Variants in DSCAM observed in about 807,000 individuals in gnomAD.
The protein encoded by DSCAM is DS cell adhesion molecule, also known as cell adhesion molecule DSCAM.
A neutral mutation model predicts 217.7 loss-of-function variants in DSCAM; 47 were observed. That is an observed-to-expected ratio of 0.22 (90% CI 0.17 to 0.28). DSCAM has a LOEUF of 0.28. DSCAM is among the 10% of genes least tolerant of loss of function. DSCAM has a pLI of 1.00. For missense variants in DSCAM, 2,080 were observed against 2,618.3 expected, an observed-to-expected ratio of 0.79 and a Z score of 4.49; for synonymous variants, 1,056 against 1,015.3, an observed-to-expected ratio of 1.04 and a Z score of -0.76.
At chr21:40,215,454 A>G (rs1202522903) in intron 11 of DSCAM, among the ~76,000 whole-genome samples, 1 of 148,082 alleles carries the variant, frequency 6.8e-6, no homozygotes, top group African/African-American at 2.5e-5. Context: ...TGTGATATAT[A>G]TACCATGAAA....
intron 3 of DSCAM, among the ~76,000 whole-genome samples, chr21:40,691,445 C>T (rs988550670): frequency 2.0e-5 from 3 of 152,156 alleles, no homozygotes; most frequent in African/African-American, 7.2e-5. Flanking sequence ...AATTGGAGGG[C>T]CTCTCCCCTT....
Position 40,255,621 on chromosome 21 carries a change from G to A in DSCAM, c.2356+20476C>T, listed in dbSNP as rs118181098. 4.9e-4 allele frequency among the ~76,000 whole-genome samples: 74 copies of A among 152,356 alleles called. 1 individual carries two copies. In the East Asian group the frequency reaches 0.013, roughly 28 times the overall value. ...ACTTTAAATGCAGAATAAGAAAGCA[G>A]AGGAGTCAGTCCATGCCTTGTGGCA... On this transcript the variant is annotated intron_variant, in intron 11 of 32. Transcript: ENST00000400454.
intron 10 of DSCAM, among the ~76,000 whole-genome samples, chr21:40,287,218 A>G (rs2073839815): frequency 6.8e-6 from 1 of 147,220 alleles, no homozygotes; most frequent in Admixed American, 6.6e-5. Context: ...GTGCAGTGTG[A>G]TCACAGTGTG....
chr21:40,603,714 T>C (rs2077079927), intron 3 of DSCAM, among the ~76,000 whole-genome samples: 1 of 152,134 alleles, frequency 6.6e-6, no homozygotes, highest in South Asian at 2.1e-4. Context: ...GGGTTTTTTG[T>C]TGCTGTTGTT....
At chr21:40,431,012 A>G (rs1475240285) in intron 3 of DSCAM, among the ~76,000 whole-genome samples, 2 of 152,228 alleles carry the variant, frequency 1.3e-5, no homozygotes, top group Admixed American at 6.5e-5. Context: ...GAAAACCAGC[A>G]ATTCGAAAAG....
intron 3 of DSCAM, among the ~76,000 whole-genome samples, chr21:40,400,162 C>T (rs2075220687): frequency 6.6e-6 from 1 of 151,988 alleles, no homozygotes; most frequent in Non-Finnish European, 1.5e-5. Flanking sequence ...TATTGGAGAC[C>T]ATAAAGAGGT....
intron 15 of DSCAM, among the ~76,000 whole-genome samples, chr21:40,175,756 G>A (rs1242973300): frequency 1.5e-5 from 2 of 137,110 alleles, no homozygotes; most frequent in African/African-American, 2.8e-5. Flanking sequence ...GTTTAATCCA[G>A]CATATATTTT....
chr21:40,254,006 A>G (rs553026767), intron 11 of DSCAM, among the ~76,000 whole-genome samples: 2 of 152,340 alleles, frequency 1.3e-5, no homozygotes, highest in Admixed American at 6.5e-5. Flanking sequence ...GGTGTCTGAC[A>G]TAAGAGCAGT....
chr21:40,134,763 T>C (rs893027089), intron 18 of DSCAM, among the ~76,000 whole-genome samples: 2 of 152,208 alleles, frequency 1.3e-5, no homozygotes, highest in Non-Finnish European at 1.5e-5. Context: ...CTGAAATATA[T>C]GCAATTTTTA....
At chr21:40,235,669 T>A (rs2091422590) in intron 11 of DSCAM, among the ~76,000 whole-genome samples, 1 of 152,032 alleles carries the variant, frequency 6.6e-6, no homozygotes, top group Admixed American at 6.6e-5. Context: ...ATTCGACACT[T>A]CTTCAACTGT....
rs538135865 is a variant in DSCAM at position 40,758,215 on chromosome 21, C to T, written c.44-49444G>A. ...ACCGTGCTCACACCTTGACTTTAGACTTCTGGCCTCTAGAACTATGGCAAA... is the reference window on the plus strand; with the variant it reads ...ACCGTGCTCACACCTTGACTTTAGATTTCTGGCCTCTAGAACTATGGCAAA... On this transcript the variant is annotated intron_variant, in intron 1 of 32. Coordinates refer to ENST00000400454, the MANE Select transcript of DSCAM (RefSeq NM_001389.5). Among the ~76,000 whole-genome samples, 823 of 152,282 alleles carry T rather than the reference C, an allele frequency of 5.4e-3. 4 individuals are homozygous for T. The highest frequency in any genetic ancestry group is 7.6e-3 in the Non-Finnish European group (515 of 68,024).
intron 11 of DSCAM, among the ~76,000 whole-genome samples, chr21:40,197,204 C>A (rs561084470): frequency 1.3e-5 from 2 of 152,030 alleles, no homozygotes; most frequent in Non-Finnish European, 2.9e-5. Context: ...CTGCAAGCTC[C>A]GCCTCCCGGG....
intron 1 of DSCAM, among the ~76,000 whole-genome samples, chr21:40,839,536 C>T (rs1321478965): frequency 1.3e-5 from 2 of 152,194 alleles, no homozygotes; most frequent in Non-Finnish European, 2.9e-5. Flanking sequence ...TCATCCCCAG[C>T]TTCCCAAGCC....
intron 19 of DSCAM, among the ~76,000 whole-genome samples, chr21:40,129,025 A>T (rs1036544210): frequency 1.3e-5 from 2 of 152,230 alleles, no homozygotes; most frequent in African/African-American, 2.4e-5. Flanking sequence ...TGAATATCGG[A>T]CAAAAGTCTG....
intron 3 of DSCAM, among the ~76,000 whole-genome samples, chr21:40,534,266 C>A (rs935864430): frequency 6.6e-6 from 1 of 152,050 alleles, no homozygotes; most frequent in Non-Finnish European, 1.5e-5. Flanking sequence ...CATTTTCTAA[C>A]CTTGGAATTT....
intron 3 of DSCAM, among the ~76,000 whole-genome samples, chr21:40,639,799 C>G (rs1220285391): frequency 2.6e-5 from 4 of 152,080 alleles, no homozygotes; most frequent in African/African-American, 9.7e-5. Flanking sequence ...CACAACTGGC[C>G]TGCATTGAAG....
intron 2 of DSCAM, among the ~76,000 whole-genome samples, chr21:40,705,520 C>A (rs2090704491): frequency 6.6e-6 from 1 of 152,138 alleles, no homozygotes; most frequent in Admixed American, 6.5e-5. Context: ...GTTTCAACTG[C>A]CTGGGGAGGC....
chr21:40,339,045 G>T, intron 7 of DSCAM, 74 bp downstream of exon 7: 1 of 1,552,976 alleles, frequency 6.4e-7, no homozygotes, highest in Non-Finnish European at 8.8e-7. Flanking sequence ...GACCCAGCTC[G>T]GTGCATGCAG....
intron 11 of DSCAM, among the ~76,000 whole-genome samples, chr21:40,203,081 G>GGAA (rs548515397): frequency 4.1e-4 from 63 of 152,340 alleles, no homozygotes; most frequent in African/African-American, 1.5e-3. Flanking sequence ...GGCACAGAGA[G>GGAA]GCTAAATGGC....
Sources: gnomAD v4.1 joint callset for allele counts (sites outside exome capture counted in the v4.1 genomes callset) on GRCh38, gnomAD v4.1.1 for gene constraint, MANE v1.5 for transcripts, NCBI Gene and HGNC (gene_info 2026-07-23, HGNC 2026-07-21) for gene names.